Variants in NRXN3 observed in about 807,000 individuals in gnomAD.
NRXN3 encodes the protein neurexin III.
NRXN3 carries 32 observed loss-of-function variants against 137.6 expected under a neutral mutation model. The observed-to-expected ratio is 0.23, with a 90% confidence interval of 0.18 to 0.31. The LOEUF is 0.31. Among genes scored for constraint, NRXN3 ranks in the 10% least tolerant of loss-of-function variants. The pLI, the probability that NRXN3 is intolerant of heterozygous loss-of-function variation, is 1.00. For missense variants in NRXN3, 1,574 were observed against 2,062.5 expected, an observed-to-expected ratio of 0.76 and a Z score of 4.59; for synonymous variants, 798 against 784.5, an observed-to-expected ratio of 1.02 and a Z score of -0.29.
chr14:79,580,435 G>GTTT (rs60451542), intron 16 of NRXN3, among the ~76,000 whole-genome samples: 10 of 138,696 alleles, frequency 7.2e-5, no homozygotes, highest in African/African-American at 1.5e-4. Flanking sequence ...AAAAGATTAT[G>GTTT]TTTTTTTTTT....
intron 15 of NRXN3, among the ~76,000 whole-genome samples, chr14:79,254,499 GA>G (rs113536813): frequency 6.6e-6 from 1 of 152,044 alleles, no homozygotes; most frequent in Admixed American, 6.6e-5. Flanking sequence ...GGCTCAAGCA[GA>G]AAAAATGGGA....
At chr14:78,184,428 T>C (rs186677633) in intron 1 of NRXN3, among the ~76,000 whole-genome samples, 1 of 152,308 alleles carries the variant, frequency 6.6e-6, no homozygotes, top group East Asian at 1.9e-4. Flanking sequence ...ATCTCAAGTC[T>C]TATGTCTTAA....
chr14:78,458,187 A>G (rs2094806954), intron 4 of NRXN3, among the ~76,000 whole-genome samples: 1 of 152,184 alleles, frequency 6.6e-6, no homozygotes, highest in South Asian at 2.1e-4. Flanking sequence ...CTAGAGAGAG[A>G]CACTCTATTT....
intron 15 of NRXN3, among the ~76,000 whole-genome samples, chr14:79,204,615 A>G (rs80032053): frequency 6.6e-6 from 1 of 152,234 alleles, no homozygotes; most frequent in South Asian, 2.1e-4. Flanking sequence ...TCATTTTCAT[A>G]TTTTAAGTCA....
chr14:78,623,760 G>A (rs1004946948), intron 4 of NRXN3, among the ~76,000 whole-genome samples: 4 of 152,044 alleles, frequency 2.6e-5, no homozygotes, highest in Non-Finnish European at 5.9e-5. Flanking sequence ...TAGAGACGGG[G>A]TTTCACCATG....
At chr14:78,845,740 C>T (rs937690798) in intron 10 of NRXN3, among the ~76,000 whole-genome samples, 4 of 151,990 alleles carry the variant, frequency 2.6e-5, no homozygotes, top group African/African-American at 9.7e-5. Flanking sequence ...TGTAAGATCT[C>T]ACACTTCTAT....
Position 79,697,842 on chromosome 14 carries a change from T to C in NRXN3, c.3919T>C (p.Ser1307Pro). 1 of 1,613,250 alleles carries C rather than the reference T, an allele frequency of 6.2e-7. No homozygotes were observed. The highest frequency in any genetic ancestry group is 8.5e-7 in the Non-Finnish European group (1 of 1,179,450). Residue 1307 changes from serine (S) to proline (P), a missense_variant, in exon 19 of 21, where the codon TCC (serine) becomes CCC (proline). Physicochemically the swap from Ser to Pro is moderately conservative, Grantham distance 74. Transcript: ENST00000335750. ...PSILGTTQTTSMPPEMSTTVM... is the reference protein window; with the variant it reads ...PSILGTTQTTPMPPEMSTTVM... ...AATTTTGGGAACAACACAGACGACC[T>C]CCATGCCACCAGAAATGTCTACTAC...
intron 18 of NRXN3, among the ~76,000 whole-genome samples, chr14:79,697,011 A>G (rs570347474): frequency 6.6e-6 from 1 of 152,082 alleles, no homozygotes; most frequent in Non-Finnish European, 1.5e-5. Context: ...ACCAGAAAAT[A>G]GAATATTATG....
chr14:79,120,595 A>T (rs1321273748), intron 15 of NRXN3, among the ~76,000 whole-genome samples: 1 of 152,148 alleles, frequency 6.6e-6, no homozygotes, highest in African/African-American at 2.4e-5. Flanking sequence ...CACCATGTGT[A>T]CATATATGCC....
At chr14:78,336,539 G>T (rs1225747680) in intron 4 of NRXN3, among the ~76,000 whole-genome samples, 1 of 152,042 alleles carries the variant, frequency 6.6e-6, no homozygotes, top group African/African-American at 2.4e-5. Flanking sequence ...AGGCTCCTGG[G>T]TTTATATTTA....
intron 10 of NRXN3, among the ~76,000 whole-genome samples, chr14:78,922,691 G>A (rs1377275145): frequency 2.0e-5 from 3 of 152,084 alleles, no homozygotes; most frequent in African/African-American, 7.2e-5. Context: ...CATACACTGG[G>A]GCCTGTAGGT....
intron 20 of NRXN3, among the ~76,000 whole-genome samples, chr14:79,811,745 CTAA>C (rs1462221518): frequency 1.3e-5 from 2 of 151,754 alleles, no homozygotes; most frequent in Non-Finnish European, 2.9e-5. Flanking sequence ...CCACGCCCGG[CTAA>C]TTTTTTTCTA....
intron 16 of NRXN3, among the ~76,000 whole-genome samples, chr14:79,475,621 G>A (rs2096552816): frequency 6.6e-6 from 1 of 152,086 alleles, no homozygotes; most frequent in Non-Finnish European, 1.5e-5. Context: ...ATGAGGTGAT[G>A]TATATACAAC....
intron 4 of NRXN3, among the ~76,000 whole-genome samples, chr14:78,478,682 G>A (rs1184472109): frequency 3.9e-5 from 6 of 152,112 alleles, no homozygotes; most frequent in Non-Finnish European, 5.9e-5. Flanking sequence ...TTAAAGAAGG[G>A]TAAGTGACTC....
chr14:79,415,509 T>A (rs1332882213), intron 15 of NRXN3, among the ~76,000 whole-genome samples: 7 of 152,154 alleles, frequency 4.6e-5, no homozygotes, highest in Non-Finnish European at 1.0e-4. Flanking sequence ...GTCTTGAACA[T>A]CTGAAGATTT....
rs185462033 is a variant in NRXN3, at chr14:79,319,131, T to C, written c.3263-148090T>C. ...GTTACAGTCTGTTTCTGAAATATCC[T>C]TTATTATGAGTAGAATAAAATCTAC... is the stretch of plus-strand genomic sequence containing the variant. On this transcript the variant is annotated intron_variant, in intron 15 of 20. Transcript: ENST00000335750. 5.8e-4 allele frequency among the ~76,000 whole-genome samples: 88 copies of C among 152,214 alleles called. 1 individual carries two copies. The highest frequency in any genetic ancestry group is 1.1e-3 in the Non-Finnish European group (72 of 68,028).
rs1218304923 is a variant in NRXN3, at chr14:79,392,917, C to T, written c.3263-74304C>T. Among the ~76,000 whole-genome samples, 4 of 131,748 alleles carry T rather than the reference C, an allele frequency of 3.0e-5. No homozygotes were observed. The East Asian group carries it at 9.1e-4, about 30-fold the overall frequency. The allele number at this position is 131,748 out of a possible 152,430, so 86.4% of individuals were successfully genotyped here. The stretch of plus-strand genomic sequence containing the variant: ...CCCAAGAGGCAGAGGTTGCAGTGAG[C>T]CAAGATCCTGCCACTGCACTCTAGG... On this transcript the variant is annotated intron_variant, in intron 15 of 20. Transcript: ENST00000335750.
intron 4 of NRXN3, among the ~76,000 whole-genome samples, chr14:78,493,347 C>A (rs186208051): frequency 1.4e-5 from 2 of 141,884 alleles, no homozygotes; most frequent in African/African-American, 5.1e-5. Context: ...CATGGTGAAA[C>A]CCTGTCTCTA....
intron 6 of NRXN3, among the ~76,000 whole-genome samples, chr14:78,678,687 A>G (rs560294078): frequency 1.3e-5 from 2 of 152,322 alleles, no homozygotes; most frequent in South Asian, 4.1e-4. Context: ...AGTATAAACC[A>G]ACTCAATATA....
Sources: gnomAD v4.1 joint callset for allele counts (sites outside exome capture counted in the v4.1 genomes callset) on GRCh38, gnomAD v4.1.1 for gene constraint, MANE v1.5 for transcripts, NCBI Gene and HGNC (gene_info 2026-07-23, HGNC 2026-07-21) for gene names.